Variants in MYH15 observed in about 807,000 individuals in gnomAD.
MYH15 encodes myosin heavy chain 15, also known as myosin-15.
A neutral mutation model predicts 240.5 loss-of-function variants in MYH15; 227 were observed. The ratio of observed to expected loss-of-function variants is 0.94; its 90% CI spans 0.85 to 1.05. The LOEUF is 1.05. Among genes scored for constraint, MYH15 ranks in the 50% least tolerant of loss-of-function variants. The pLI, the probability that MYH15 is intolerant of heterozygous loss-of-function variation, is 0.00. For missense variants in MYH15, 2,217 were observed against 2,247.5 expected (o/e 0.99, Z 0.27); for synonymous variants, 785 against 796.7 (o/e 0.99, Z 0.25).
At chr3:108,428,225 A>T (rs1009874400) in intron 27 of MYH15, among the ~76,000 whole-genome samples, 2 of 152,188 alleles carry the variant, frequency 1.3e-5, no homozygotes, top group African/African-American at 2.4e-5. Flanking sequence ...TACTTGTGCA[A>T]TCACTAAAAA....
chr3:108,507,921 C>T (rs140344734), intron 1 of MYH15, among the ~76,000 whole-genome samples: 1,995 of 152,254 alleles, frequency 0.013, 22 homozygotes, highest in Non-Finnish European at 0.02. Flanking sequence ...AGGTAAAATG[C>T]TCTGCATTTT....
chr3:108,488,795 A>AT (rs2083325060), intron 9 of MYH15, among the ~76,000 whole-genome samples: 1 of 152,194 alleles, frequency 6.6e-6, no homozygotes, highest in African/African-American at 2.4e-5. Flanking sequence ...CCTTGGATGT[A>AT]TTCCCAGTAG....
chr3:108,453,390 C>T (rs913340185), intron 21 of MYH15, among the ~76,000 whole-genome samples: 5 of 152,168 alleles, frequency 3.3e-5, no homozygotes, highest in Non-Finnish European at 5.9e-5. Flanking sequence ...ACAATATATG[C>T]TAACGAAAAA....
chr3:108,533,197 A>C (rs1158250888), upstream of MYH15, among the ~76,000 whole-genome samples: 1 of 148,676 alleles, frequency 6.7e-6, no homozygotes, highest in Non-Finnish European at 1.5e-5. Context: ...TCTGAAGAGC[A>C]ACCTGTCCTT....
intron 32 of MYH15, among the ~76,000 whole-genome samples, chr3:108,407,546 T>C (rs1427873196): frequency 6.6e-6 from 1 of 152,170 alleles, no homozygotes; most frequent in Non-Finnish European, 1.5e-5. Context: ...CAATTGCTAA[T>C]GCACACCCAG....
At chr3:108,414,089 G>T in intron 30 of MYH15, 143 bp downstream of exon 30, 2 of 753,708 alleles carry the variant, frequency 2.7e-6, no homozygotes, top group Non-Finnish European at 4.3e-6. Context: ...AGCAGTGCAC[G>T]TTTCAGCTTT....
intron 28 of MYH15, among the ~76,000 whole-genome samples, chr3:108,418,981 TG>T (rs2082659765): frequency 6.6e-6 from 1 of 152,114 alleles, no homozygotes; most frequent in South Asian, 2.1e-4. Flanking sequence ...TCAAACTCCT[TG>T]CCTCAAGTGA....
At chr3:108,424,350 T>A (rs1279291649) in intron 27 of MYH15, among the ~76,000 whole-genome samples, 1 of 152,214 alleles carries the variant, frequency 6.6e-6, no homozygotes, top group African/African-American at 2.4e-5. Flanking sequence ...AGTATTTTCA[T>A]AAACAGGATC....
At chr3:108,532,309 C>T (rs2083716982), upstream of MYH15, among the ~76,000 whole-genome samples, 1 of 151,870 alleles carries the variant, frequency 6.6e-6, no homozygotes, top group African/African-American at 2.4e-5. Flanking sequence ...ATGGGTAGAC[C>T]TTATCCAATC....
At chr3:108,401,514 C>G (rs1266856236) in intron 33 of MYH15, among the ~76,000 whole-genome samples, 1 of 152,166 alleles carries the variant, frequency 6.6e-6, no homozygotes, top group Non-Finnish European at 1.5e-5. Context: ...GTTATGACAG[C>G]CATAGTAAAC....
intron 19 of MYH15, 103 bp from the exon 20 acceptor site, chr3:108,455,962 CT>C (rs2107578290): frequency 1.8e-6 from 2 of 1,139,654 alleles, no homozygotes; most frequent in East Asian, 4.9e-5. Context: ...ATTTTTATCT[CT>C]GTTACTAATA....
At chr3:108,439,608 C>T (rs1009450415) in intron 24 of MYH15, 129 bp downstream of exon 24, 3 of 829,116 alleles carry the variant, frequency 3.6e-6, no homozygotes, top group Admixed American at 5.6e-5. Context: ...CTTTTATTCT[C>T]AATAATCAGG....
At chr3:108,486,200 C>T (rs1436868519) in intron 10 of MYH15, among the ~76,000 whole-genome samples, 1 of 152,090 alleles carries the variant, frequency 6.6e-6, no homozygotes, top group Non-Finnish European at 1.5e-5. Context: ...GAGATGTTTG[C>T]CATTGAGTTG....
At position 108,410,609 on chromosome 3, in the gene MYH15, A is replaced by T. The variant is rs1353132762; in HGVS notation, c.4469T>A (p.Leu1490His). 1.3e-6 allele frequency: 2 copies of T among 1,598,636 alleles called. No homozygotes were observed. Among genetic ancestry groups the T allele is most frequent in the Admixed American group, 3.4e-5 (2 of 59,578 alleles). ...TTGGAGGTTCTTGTTCTCCCTCCTGAGTGTCTCCTGGCCCACGATGCTCTC... is the reference window on the plus strand; with the variant it reads ...TTGGAGGTTCTTGTTCTCCCTCCTGTGTGTCTCCTGGCCCACGATGCTCTC... Reference protein sequence around the residue: ...YEESIVGQETLRRENKNLQEE... With the variant: ...YEESIVGQETHRRENKNLQEE... Residue 1490 changes from leucine (L) to histidine (H), a missense_variant, in exon 31 of 41, where the codon CTC becomes CAC. Physicochemically the swap from Leu to His is moderately conservative, Grantham distance 99 (BLOSUM62 -3). Transcript: ENST00000693548.
At chr3:108,450,191 A>C (rs2082960892) in intron 21 of MYH15, among the ~76,000 whole-genome samples, 1 of 152,172 alleles carries the variant, frequency 6.6e-6, no homozygotes, top group Non-Finnish European at 1.5e-5. Flanking sequence ...AGGATCTATC[A>C]ATCCCATTAA....
At chr3:108,535,770 G>C in the MYH15 span, among the ~76,000 whole-genome samples, 1 of 152,056 alleles carries the variant, frequency 6.6e-6, no homozygotes, top group African/African-American at 2.4e-5. Flanking sequence ...CTTATTATTT[G>C]ATCTTCTTAT....
chr3:108,535,759 A>T, the MYH15 span, among the ~76,000 whole-genome samples: 1 of 152,244 alleles, frequency 6.6e-6, no homozygotes, highest in East Asian at 1.9e-4. Flanking sequence ...AACTGTTTCG[A>T]CTTATTATTT....
chr3:108,440,817 A>G (rs1215360022), intron 23 of MYH15, among the ~76,000 whole-genome samples: 2 of 152,182 alleles, frequency 1.3e-5, no homozygotes, highest in Non-Finnish European at 2.9e-5. Flanking sequence ...ATAAGGTTCC[A>G]TAAGTTCAAA....
At chr3:108,411,615 C>A (rs1351799148) in intron 30 of MYH15, among the ~76,000 whole-genome samples, 3 of 152,144 alleles carry the variant, frequency 2.0e-5, no homozygotes, top group Admixed American at 6.5e-5. Context: ...TCTCCACCAC[C>A]CCCGTAATAT....
Sources: gnomAD v4.1 joint callset for allele counts (sites outside exome capture counted in the v4.1 genomes callset) on GRCh38, gnomAD v4.1.1 for gene constraint, MANE v1.5 for transcripts, NCBI Gene and HGNC (gene_info 2026-07-23, HGNC 2026-07-21) for gene names.